Variants in VDR observed in about 807,000 individuals in gnomAD.
VDR encodes the protein vitamin D3 receptor.
VDR carries 19 observed loss-of-function variants against 39.7 expected under a neutral mutation model. The ratio of observed to expected loss-of-function variants is 0.48; its 90% confidence interval spans 0.33 to 0.70. VDR has a LOEUF of 0.70. VDR is among the 30% of genes least tolerant of loss of function. VDR has a pLI of 0.02. For missense variants in VDR, 442 were observed against 570.5 expected (o/e 0.77, Z 2.29); for synonymous variants, 242 against 215.8 (o/e 1.12, Z -1.07).
intron 3 of VDR, among the ~76,000 whole-genome samples, chr12:47,870,661 T>C (rs1251642621): frequency 6.6e-6 from 1 of 152,144 alleles, no homozygotes; most frequent in African/African-American, 2.4e-5. Context: ...TGGGCCTTTC[T>C]CCAGTAGGTG....
At chr12:47,854,067 C>G (rs1391062176) in intron 7 of VDR, among the ~76,000 whole-genome samples, 1 of 152,124 alleles carries the variant, frequency 6.6e-6, no homozygotes, top group Non-Finnish European at 1.5e-5. Flanking sequence ...TCCAGTAGAA[C>G]TCCTTATACT....
In VDR at chr12:47,857,688, A is replaced by G; in HGVS notation, c.278T>C (p.Phe93Ser). The change falls in exon 5 of 10, where the codon TTC becomes TCC. Residue 93 changes from phenylalanine (F) to serine (S), a missense_variant and splice_region_variant. This residue lies in a region of VDR where 141 missense variants were observed against 141.3 expected (regional missense o/e 1.00). Coordinates refer to ENST00000549336, the MANE Select transcript of VDR (RefSeq NM_000376.3). The part of the protein sequence containing the change: ...RCVDIGMMKE[F>S]ILTDEEVQRK... Reference sequence around the variant, plus strand: ...CTGCACTTCCTCATCTGTCAGAATGACTGTGGGGTGGGAAGGGGAGTCAGG... The same window carrying G: ...CTGCACTTCCTCATCTGTCAGAATGGCTGTGGGGTGGGAAGGGGAGTCAGG... 1 of 1,612,548 alleles carries G rather than the reference A, an allele frequency of 6.2e-7. No homozygotes were observed. Among genetic ancestry groups the G allele is most frequent in the Non-Finnish European group, 8.5e-7 (1 of 1,178,810 alleles).
chr12:47,852,440 T>C (rs374053471), intron 7 of VDR, among the ~76,000 whole-genome samples: 6 of 152,288 alleles, frequency 3.9e-5, no homozygotes, highest in East Asian at 1.9e-4. Context: ...GTGTTGTCAG[T>C]TCCAAAGAAA....
At chr12:47,904,442 A>G (rs1387365844) in intron 1 of VDR, 1 of 754,838 alleles carries the variant, frequency 1.3e-6, no homozygotes, top group Non-Finnish European at 1.9e-6. Flanking sequence ...GTCTAAACTC[A>G]TTGGTAGTTC....
At chr12:47,879,483 A>C (rs1464747527) in intron 2 of VDR, among the ~76,000 whole-genome samples, 2 of 152,182 alleles carry the variant, frequency 1.3e-5, no homozygotes, top group Non-Finnish European at 1.5e-5. Context: ...CATTCATGCT[A>C]CTGGCACTAG....
intron 7 of VDR, among the ~76,000 whole-genome samples, 193 bp from the exon 8 acceptor site, chr12:47,847,001 A>G (rs932413981): frequency 2.4e-4 from 36 of 152,194 alleles, no homozygotes; most frequent in Non-Finnish European, 5.9e-5. Context: ...CACTGTGATC[A>G]TGTGCCAAGG....
intron 1 of VDR, among the ~76,000 whole-genome samples, chr12:47,898,082 G>A (rs184701536): frequency 6.6e-6 from 1 of 152,278 alleles, no homozygotes; most frequent in Non-Finnish European, 1.5e-5. Context: ...AAGTGTTTGG[G>A]AGGATGTAGA....
chr12:47,869,262 C>T (rs1291424553), intron 3 of VDR, among the ~76,000 whole-genome samples: 3 of 152,188 alleles, frequency 2.0e-5, no homozygotes, highest in East Asian at 1.9e-4. Context: ...GAAGGCCGGG[C>T]GCGGTGGCTC....
At chr12:47,848,756 G>A (rs576087800) in intron 7 of VDR, among the ~76,000 whole-genome samples, 110 of 151,968 alleles carry the variant, frequency 7.2e-4, no homozygotes, top group African/African-American at 2.5e-3. Flanking sequence ...TAGTAGAGAC[G>A]GGGTTTCGCC....
chr12:47,895,433 G>A (rs1442223373), intron 1 of VDR, among the ~76,000 whole-genome samples: 1 of 152,168 alleles, frequency 6.6e-6, no homozygotes, highest in Non-Finnish European at 1.5e-5. Context: ...GGAAAGGAGG[G>A]GAAGGTATTC....
Position 47,846,382 on chromosome 12 carries a change from T to C in VDR, c.977A>G (p.His326Arg). Reference sequence around the variant, plus strand: ...CATGAGCAGGACATGCTCCTCCTCATGCAAGTTCAGCTTCTTCAGTCCCAC... The same window carrying C: ...CATGAGCAGGACATGCTCCTCCTCACGCAAGTTCAGCTTCTTCAGTCCCAC... Reference protein sequence around the residue: ...FQVGLKKLNLHEEEHVLLMAI... With the variant: ...FQVGLKKLNLREEEHVLLMAI... The change falls in exon 9 of 10, where the codon CAT becomes CGT. Residue 326 changes from histidine (H) to arginine (R), a missense_variant. By Grantham distance (29) the His-to-Arg change is conservative. Transcript: ENST00000549336. The C allele has an allele frequency of 1.3e-6, 2 of 1,595,014 alleles. No individual in the cohort carries two copies. Among genetic ancestry groups the C allele is most frequent in the South Asian group, 2.3e-5 (2 of 87,788 alleles).
intron 7 of VDR, among the ~76,000 whole-genome samples, chr12:47,853,216 G>T (rs1201628185): frequency 6.6e-6 from 1 of 152,120 alleles, no homozygotes; most frequent in Non-Finnish European, 1.5e-5. Context: ...GCCGAGACAG[G>T]CGGATCACGA....
At chr12:47,874,580 G>A (rs771220507) in intron 3 of VDR, among the ~76,000 whole-genome samples, 8 of 152,142 alleles carry the variant, frequency 5.3e-5, no homozygotes, top group Admixed American at 2.0e-4. Context: ...AAGCGAAAAC[G>A]CACTTCTCTG....
At chr12:47,900,596 C>A (rs866870226) in intron 1 of VDR, among the ~76,000 whole-genome samples, 2 of 152,290 alleles carry the variant, frequency 1.3e-5, no homozygotes, top group African/African-American at 4.8e-5. Context: ...CTGGGAGGCA[C>A]GTAGCACAGC....
intron 2 of VDR, 58 bp downstream of exon 2, chr12:47,882,636 A>ACCCCCCCCC: frequency 3.8e-6 from 1 of 266,076 alleles, no homozygotes; most frequent in Non-Finnish European, 6.8e-6. Flanking sequence ...CCTCCCCCCC[A>ACCCCCCCCC]CCCCGCCCCT....
chr12:47,896,209 G>A (rs965204050), intron 1 of VDR, among the ~76,000 whole-genome samples: 2 of 152,248 alleles, frequency 1.3e-5, no homozygotes, highest in Admixed American at 1.3e-4. Flanking sequence ...CGTAGTACCT[G>A]CTCAGTAAAC....
rs143365357 is a variant in VDR, at chr12:47,902,053, C to T, written c.-84+2902G>A. ...TGTTTTCCCTTGAGCATTAAGCCTC[C>T]CCCAACCTTATCATCCCCTCATCAC... On this transcript the variant is annotated intron_variant, in intron 1 of 9. Transcript: ENST00000549336. Among the ~76,000 whole-genome samples, 489 of 152,320 alleles carry T rather than the reference C, an allele frequency of 3.2e-3. 3 individuals are homozygous for T. Among genetic ancestry groups the T allele is most frequent in the African/African-American group, 0.011 (463 of 41,574 alleles).
chr12:47,878,473 C>G (rs564553818), intron 3 of VDR, among the ~76,000 whole-genome samples: 2 of 152,212 alleles, frequency 1.3e-5, no homozygotes, highest in East Asian at 3.9e-4. Flanking sequence ...CCAGGACAAA[C>G]AGTCCTTGGG....
At chr12:47,853,607 T>C (rs763352797) in intron 7 of VDR, among the ~76,000 whole-genome samples, 9 of 151,970 alleles carry the variant, frequency 5.9e-5, no homozygotes, top group Non-Finnish European at 1.0e-4. Flanking sequence ...AATACAAAAC[T>C]AGCCAGGCGT....
Sources: gnomAD v4.1 joint callset for allele counts (sites outside exome capture counted in the v4.1 genomes callset) on GRCh38, gnomAD v4.1.1 for gene constraint, gnomAD v4.1.1 regional missense constraint, MANE v1.5 for transcripts, NCBI Gene and HGNC (gene_info 2026-07-23, HGNC 2026-07-21) for gene names.